LARP1B: variants seen among roughly 807,000 people sequenced by gnomAD.
LARP1B encodes the protein la-related protein 1B.
A neutral mutation model predicts 114.2 loss-of-function variants in LARP1B; 76 were observed. The observed-to-expected ratio is 0.67, with a 90% CI of 0.55 to 0.81. The LOEUF (loss-of-function observed/expected upper bound fraction) is 0.81, where lower values mean the gene tolerates loss of function less well. Among genes scored for constraint, LARP1B ranks in the 30% least tolerant of loss-of-function variants. The pLI, the probability that LARP1B is intolerant of heterozygous loss-of-function variation, is 0.00. For synonymous variants in LARP1B, 345 were observed against 348.0 expected (o/e 0.99, Z 0.10); for missense variants, 1,014 against 1,075.8 (o/e 0.94, Z 0.80).
intron 7 of LARP1B, 56 bp downstream of exon 7, chr4:128,091,568 C>A: frequency 3.0e-6 from 4 of 1,320,496 alleles, no homozygotes; most frequent in Non-Finnish European, 4.1e-6. Context: ...GCAATATGAA[C>A]TTTAATGTCA....
chr4:128,220,878 G>T (rs377656843), intron 7 of LARP1B, among the ~76,000 whole-genome samples: 1 of 152,196 alleles, frequency 6.6e-6, no homozygotes, highest in East Asian at 1.9e-4. Flanking sequence ...CTAGAACAAA[G>T]TGTTATCACA....
intron 12 of LARP1B, among the ~76,000 whole-genome samples, chr4:128,167,957 A>G (rs1254838211): frequency 6.6e-6 from 1 of 152,052 alleles, no homozygotes; most frequent in East Asian, 1.9e-4. Flanking sequence ...TGTGTGTATT[A>G]CCTTTTTATT....
chr4:128,065,871 A>G (rs1172923810), intron 1 of LARP1B, among the ~76,000 whole-genome samples: 1 of 152,118 alleles, frequency 6.6e-6, no homozygotes, highest in Non-Finnish European at 1.5e-5. Flanking sequence ...GCTCTATTGC[A>G]GTGGTGAGAT....
chr4:128,138,380 A>T (rs1726381861), intron 11 of LARP1B, among the ~76,000 whole-genome samples: 1 of 152,250 alleles, frequency 6.6e-6, no homozygotes, highest in Non-Finnish European at 1.5e-5. Context: ...TGGAGTGGAA[A>T]AGAAAGTCTA....
rs145826641 is a variant in LARP1B at position 128,086,285 on chromosome 4, G to A, written c.358+3980G>A. Among the ~76,000 whole-genome samples, 915 of 152,054 alleles carry A rather than the reference G, an allele frequency of 6.0e-3. 9 individuals are homozygous for A. Among genetic ancestry groups the A allele is most frequent in the Non-Finnish European group, 0.011 (744 of 67,984 alleles). On this transcript the variant is annotated intron_variant, in intron 5 of 19. Coordinates refer to ENST00000326639, the MANE Select transcript of LARP1B (RefSeq NM_018078.4). ...CTCCCAAAGTGCTAGGATTACAGGC[G>A]TGAGCCACCTCGCCCAGCCGCTTTG...
chr4:128,190,971 A>C (rs562878501), intron 15 of LARP1B, among the ~76,000 whole-genome samples: 1 of 152,202 alleles, frequency 6.6e-6, no homozygotes, highest in Admixed American at 6.5e-5. Flanking sequence ...TATTCTTTAT[A>C]TCTTGCAGGT....
At chr4:128,089,642 C>CT in intron 5 of LARP1B, among the ~76,000 whole-genome samples, 1 of 151,804 alleles carries the variant, frequency 6.6e-6, no homozygotes, top group Non-Finnish European at 1.5e-5. Flanking sequence ...GGCTAATGTT[C>CT]TACCTTTTTA....
At chr4:128,179,061 C>T (rs1747438050) in intron 14 of LARP1B, among the ~76,000 whole-genome samples, 1 of 152,092 alleles carries the variant, frequency 6.6e-6, no homozygotes. Context: ...CCACTGCACT[C>T]CAGCCTTGGC....
intron 1 of LARP1B, among the ~76,000 whole-genome samples, chr4:128,063,854 A>G (rs964629115): frequency 6.6e-6 from 1 of 152,198 alleles, no homozygotes; most frequent in Non-Finnish European, 1.5e-5. Context: ...TTATATGCAA[A>G]TGACAGCTGT....
intron 11 of LARP1B, among the ~76,000 whole-genome samples, chr4:128,144,987 A>G (rs1480102384): frequency 6.7e-6 from 1 of 149,938 alleles, no homozygotes; most frequent in Non-Finnish European, 1.5e-5. Flanking sequence ...ACATTTTCCT[A>G]TTTATTTTCA....
chr4:128,166,844 A>C (rs1741054154), intron 12 of LARP1B, among the ~76,000 whole-genome samples: 1 of 149,276 alleles, frequency 6.7e-6, no homozygotes, highest in African/African-American at 2.5e-5. Flanking sequence ...TGTCTGGCTT[A>C]TTTCATTTAG....
At chr4:128,155,384 G>C in intron 11 of LARP1B, 2 of 585,966 alleles carry the variant, frequency 3.4e-6, no homozygotes, top group East Asian at 3.0e-5. Flanking sequence ...CCGCCAGCCC[G>C]GGGCATGTTC....
intron 12 of LARP1B, among the ~76,000 whole-genome samples, chr4:128,168,246 C>T (rs1741990298): frequency 6.6e-6 from 1 of 151,880 alleles, no homozygotes; most frequent in Non-Finnish European, 1.5e-5. Context: ...GTTCCAGTTG[C>T]TCTACATCAT....
At chr4:128,106,972 C>G (rs904213192) in intron 8 of LARP1B, among the ~76,000 whole-genome samples, 167 bp from the exon 9 acceptor site, 1 of 152,126 alleles carries the variant, frequency 6.6e-6, no homozygotes, top group Admixed American at 6.6e-5. Context: ...CTTACAGGTG[C>G]AAATGATTTT....
chr4:128,137,792 T>TATATATATATATA (rs1491094237), intron 11 of LARP1B, among the ~76,000 whole-genome samples: 1 of 47,310 alleles, frequency 2.1e-5, no homozygotes, highest in African/African-American at 5.0e-5. Context: ...TATATATATA[T>TATATATATATATA]TTTTTTTTTA....
intron 11 of LARP1B, chr4:128,155,317 C>G (rs1243235699): frequency 3.9e-6 from 2 of 517,434 alleles, no homozygotes; most frequent in African/African-American, 3.9e-5. Flanking sequence ...AGTAAAACAT[C>G]ATGTGGTCAA....
chr4:128,128,922 T>A (rs1184628391), intron 11 of LARP1B, among the ~76,000 whole-genome samples: 2 of 152,022 alleles, frequency 1.3e-5, no homozygotes, highest in African/African-American at 4.8e-5. Flanking sequence ...CCCAGCACTT[T>A]GGGAGGACGA....
chr4:128,153,905 C>T (rs776464875), intron 11 of LARP1B, among the ~76,000 whole-genome samples: 1 of 152,070 alleles, frequency 6.6e-6, no homozygotes, highest in Non-Finnish European at 1.5e-5. Context: ...GCTTGGATGC[C>T]TTAGGAATCC....
At chr4:128,139,103 C>A (rs540387377) in intron 11 of LARP1B, among the ~76,000 whole-genome samples, 1 of 151,390 alleles carries the variant, frequency 6.6e-6, no homozygotes, top group Non-Finnish European at 1.5e-5. Context: ...TTCACATTAA[C>A]GGATTGAAGA....
Sources: allele counts gnomAD v4.1 joint callset (sites outside exome capture counted in the v4.1 genomes callset), GRCh38; gene constraint gnomAD v4.1.1; transcripts MANE v1.5; gene names NCBI Gene and HGNC (gene_info 2026-07-23, HGNC 2026-07-21).